Variants in FBN2 observed in about 807,000 individuals in gnomAD.
The protein encoded by FBN2 is fibrillin-2.
Under a neutral mutation model 355.6 loss-of-function variants are expected in FBN2, and 105 were observed. The ratio of observed to expected loss-of-function variants is 0.30; its 90% CI spans 0.25 to 0.35. The LOEUF (loss-of-function observed/expected upper bound fraction) is 0.35. FBN2 is among the 10% of genes least tolerant of loss of function. FBN2 has a pLI of 1.00. For synonymous variants in FBN2, 1,350 were observed against 1,301.2 expected (o/e 1.04, Z -0.81); for missense variants, 3,280 against 3,758.7 (o/e 0.87, Z 3.33).
At chr5:128,505,794 A>G (rs891155528) in intron 5 of FBN2, among the ~76,000 whole-genome samples, 1 of 152,234 alleles carries the variant, frequency 6.6e-6, no homozygotes, top group African/African-American at 2.4e-5. Context: ...GTACATATAA[A>G]TAATTCATTA....
intron 34 of FBN2, among the ~76,000 whole-genome samples, chr5:128,321,170 T>A (rs957550594): frequency 2.0e-5 from 3 of 152,248 alleles, no homozygotes; most frequent in Non-Finnish European, 4.4e-5. Flanking sequence ...TTATTTCATG[T>A]GTAAGAAAAT....
Position 128,376,761 on chromosome 5 carries a change from C to T in FBN2, c.1942G>A (p.Val648Ile). 1 of 1,613,752 alleles carries T rather than the reference C, an allele frequency of 6.2e-7. No homozygotes were observed. The highest frequency in any genetic ancestry group is 2.2e-5 in the East Asian group (1 of 44,868). ...CAGTAACGCCCATTTGGAGCCAAGA[C>T]AAATCCTGGTTTGCAGATGCACTTG... ...SFKCICKPGF[V>I]LAPNGRYCTD... The change falls in exon 14 of 65, where the codon GTC (valine) becomes ATC (isoleucine). Residue 648 changes from valine (V) to isoleucine (I), a missense_variant. Transcript: ENST00000262464.
rs189906925 is a variant in FBN2 at position 128,522,537 on chromosome 5, T to G, written c.533-3169A>C. On this transcript the variant is annotated intron_variant, in intron 4 of 64. Coordinates refer to ENST00000262464, the MANE Select transcript of FBN2 (RefSeq NM_001999.4). ...TGCACGCTGAAGGTATTCTACATTC[T>G]TAATTTCCTTCCTCTTTTAACTATA... 5.9e-5 allele frequency among the ~76,000 whole-genome samples: 9 copies of G among 152,268 alleles called. No homozygotes were observed. In the East Asian group the frequency reaches 1.7e-3, roughly 29 times the overall value.
At chr5:128,514,857 A>G (rs544580664) in intron 5 of FBN2, among the ~76,000 whole-genome samples, 40 of 152,292 alleles carry the variant, frequency 2.6e-4, no homozygotes, top group Non-Finnish European at 4.0e-4. Flanking sequence ...AAAACAGAAA[A>G]TTACAATGGA....
chr5:128,279,626 CTTAT>C (rs1362979320), intron 56 of FBN2, among the ~76,000 whole-genome samples: 1 of 152,052 alleles, frequency 6.6e-6, no homozygotes, highest in Non-Finnish European at 1.5e-5. Context: ...GCTTAGCGCT[CTTAT>C]TTCTTTGTTT....
chr5:128,430,013 C>T (rs1260749814), intron 7 of FBN2, among the ~76,000 whole-genome samples: 1 of 152,124 alleles, frequency 6.6e-6, no homozygotes, highest in Non-Finnish European at 1.5e-5. Context: ...AGACTTTTTT[C>T]ACATATCATT....
At chr5:128,448,254 C>T (rs1337695760) in intron 6 of FBN2, among the ~76,000 whole-genome samples, 1 of 151,700 alleles carries the variant, frequency 6.6e-6, no homozygotes, top group East Asian at 1.9e-4. Context: ...AAGACTCCTG[C>T]ATTTCTTCTT....
chr5:128,273,913 T>C lies in FBN2; in HGVS notation c.7767A>G (p.Gln2589=), dbSNP rs777828326. The part of the protein sequence containing the change: ...PSLCGAKGIC[Q]NTPGSFSCEC... The stretch of plus-strand genomic sequence containing the variant: ...CACAGCTGAAACTGCCTGGAGTGTT[T>C]TGACAGATTCCCTTTGCTCCACAAA... The change falls in exon 61 of 65, where the codon CAA becomes CAG. Residue 2589 remains glutamine (Q), a synonymous_variant. Transcript: ENST00000262464. 1.4e-5 allele frequency: 22 copies of C among 1,613,882 alleles called. No homozygotes were observed. The highest frequency in any genetic ancestry group is 1.7e-5 in the Non-Finnish European group (20 of 1,179,918).
intron 11 of FBN2, among the ~76,000 whole-genome samples, chr5:128,383,486 A>G (rs1752288584): frequency 1.3e-5 from 2 of 152,108 alleles, no homozygotes; most frequent in South Asian, 4.1e-4. Context: ...CGTCGGAATT[A>G]AAAATTACAG....
At chr5:128,358,559 G>T (rs974136814) in intron 19 of FBN2, among the ~76,000 whole-genome samples, 1 of 152,108 alleles carries the variant, frequency 6.6e-6, no homozygotes, top group Non-Finnish European at 1.5e-5. Flanking sequence ...TCTTGAAATA[G>T]AAATTGTTTG....
chr5:128,470,204 A>G (rs2127092032), intron 5 of FBN2, among the ~76,000 whole-genome samples: 1 of 152,310 alleles, frequency 6.6e-6, no homozygotes, highest in East Asian at 1.9e-4. Flanking sequence ...CATGCTGTAG[A>G]AAGGAGGCTC....
intron 7 of FBN2, among the ~76,000 whole-genome samples, chr5:128,445,499 G>T (rs889935637): frequency 9.2e-5 from 14 of 152,018 alleles, no homozygotes; most frequent in Admixed American, 3.3e-4. Flanking sequence ...TTTAGATTTT[G>T]CCTCTTCCCA....
At chr5:128,528,116 T>A (rs1756611911) in intron 3 of FBN2, 149 bp from the exon 4 acceptor site, 1 of 666,234 alleles carries the variant, frequency 1.5e-6, no homozygotes, top group African/African-American at 1.8e-5. Flanking sequence ...CATATTTTTA[T>A]TCATCATTTC....
intron 6 of FBN2, among the ~76,000 whole-genome samples, chr5:128,447,422 TA>T (rs1357117951): frequency 6.6e-6 from 1 of 152,116 alleles, no homozygotes; most frequent in East Asian, 1.9e-4. Flanking sequence ...TTTACAGTTG[TA>T]GATAAGGGAT....
chr5:128,316,422 A>G (rs1750204047), intron 36 of FBN2, among the ~76,000 whole-genome samples: 1 of 152,218 alleles, frequency 6.6e-6, no homozygotes, highest in African/African-American at 2.4e-5. Flanking sequence ...ATAGATTCCT[A>G]TGGCACTTTT....
rs1179486185 is a variant in FBN2, at chr5:128,285,910, ACATT to A, written c.7012+804_7012+807del. On this transcript the variant is annotated intron_variant, in intron 55 of 64. Transcript: ENST00000262464. ...ATCTGATTAAACATAGCACATACAT[ACATT>A]GTTTTCATTCAAATAAATTAAAAGA... Among the ~76,000 whole-genome samples, 12 of 152,370 alleles carry A rather than the reference ACATT, an allele frequency of 7.9e-5. 1 individual carries two copies. In the South Asian group the frequency reaches 2.3e-3, roughly 29 times the overall value.
At chr5:128,375,348 A>T (rs1752053717) in intron 14 of FBN2, among the ~76,000 whole-genome samples, 1 of 152,234 alleles carries the variant, frequency 6.6e-6, no homozygotes, top group Admixed American at 6.5e-5. Context: ...GTGAGGTCGA[A>T]GTCATCTTTA....
In FBN2 at chr5:128,305,806, TA is replaced by T; in HGVS notation, c.5548+16del. 3 of 1,613,760 alleles carry T rather than the reference TA, an allele frequency of 1.9e-6. No homozygotes were observed. Among genetic ancestry groups the T allele is most frequent in the Non-Finnish European group, 2.5e-6 (3 of 1,179,674 alleles). ...ACCAAATTATACTGGATAAAGGACA[TA>T]CTTTATTCAGATTACCTTCACAAAC... On this transcript the variant is annotated intron_variant, in intron 43 of 64. Transcript: ENST00000262464.
chr5:128,513,143 A>C (rs1756176742), intron 5 of FBN2, among the ~76,000 whole-genome samples: 2 of 152,202 alleles, frequency 1.3e-5, no homozygotes, highest in African/African-American at 4.8e-5. Context: ...TATTGCTTTT[A>C]ATCTTTCCAA....
Sources: gnomAD v4.1 joint callset for allele counts (sites outside exome capture counted in the v4.1 genomes callset) on GRCh38, gnomAD v4.1.1 for gene constraint, MANE v1.5 for transcripts, NCBI Gene and HGNC (gene_info 2026-07-23, HGNC 2026-07-21) for gene names.